The following SLC16A10 variants were observed in gnomAD, a reference collection of about 807,000 sequenced individuals.
The protein encoded by SLC16A10 is solute carrier family 16 member 10.
Under a neutral mutation model 40.0 loss-of-function variants are expected in SLC16A10, and 27 were observed. The ratio of observed to expected loss-of-function variants is 0.67; its 90% confidence interval spans 0.50 to 0.93. The LOEUF (loss-of-function observed/expected upper bound fraction) is 0.93. SLC16A10 is among the 40% of genes least tolerant of loss of function. The probability of loss-of-function intolerance (pLI) is 0.00; values close to 1 mark genes in which losing one functional copy is unlikely to be tolerated. For missense variants in SLC16A10, 529 were observed against 658.2 expected, an observed-to-expected ratio of 0.80 and a Z score of 2.15; for synonymous variants, 213 against 249.8, an observed-to-expected ratio of 0.85 and a Z score of 1.39.
At chr6:111,116,094 C>T (rs778190396) in intron 1 of SLC16A10, among the ~76,000 whole-genome samples, 4 of 152,128 alleles carry the variant, frequency 2.6e-5, no homozygotes, top group Non-Finnish European at 5.9e-5. Context: ...AATATAGTCA[C>T]ATCACTTGAT....
chr6:111,190,638 C>A (rs974186189), intron 3 of SLC16A10, among the ~76,000 whole-genome samples: 3 of 152,258 alleles, frequency 2.0e-5, no homozygotes, highest in African/African-American at 7.2e-5. Flanking sequence ...GATTTCTGTG[C>A]ACCCGCAGAC....
intron 1 of SLC16A10, among the ~76,000 whole-genome samples, chr6:111,152,903 A>G (rs978217556): frequency 2.6e-5 from 4 of 152,230 alleles, no homozygotes; most frequent in African/African-American, 9.6e-5. Context: ...ATGCATGTGT[A>G]AGGCATGGTG....
chr6:111,089,908 G>GTTTTTTTTTTTTTTTT (rs541758500), intron 1 of SLC16A10, among the ~76,000 whole-genome samples: 1 of 52,334 alleles, frequency 1.9e-5, no homozygotes, highest in Non-Finnish European at 3.8e-5. Context: ...CTGTGGGTGG[G>GTTTTTTTTTTTTTTTT]TTTTTTTTTT....
At chr6:111,103,165 C>T (rs1040711328) in intron 1 of SLC16A10, among the ~76,000 whole-genome samples, 2 of 152,088 alleles carry the variant, frequency 1.3e-5, no homozygotes, top group African/African-American at 2.4e-5. Context: ...CTCAGCCTCC[C>T]GAAGTGCTGA....
intron 1 of SLC16A10, among the ~76,000 whole-genome samples, chr6:111,142,926 C>T (rs999697062): frequency 2.0e-5 from 3 of 152,250 alleles, no homozygotes; most frequent in African/African-American, 7.2e-5. Context: ...TAGTTGCTTA[C>T]AGCAGCTTTA....
Position 111,228,746 on chromosome 6 carries a change from T to TG in SLC16A10, c.*6514dup, listed in dbSNP as rs1293177896. The TG allele has an allele frequency of 6.6e-6, 1 of 152,134 alleles. No homozygotes were observed. The highest frequency in any genetic ancestry group is 1.5e-5 in the Non-Finnish European group (1 of 68,044). The allele number at this position is 152,134 out of a possible 1,614,324, so 9.4% of individuals were successfully genotyped here. On this transcript the variant is annotated 3_prime_UTR_variant, in exon 6 of 6. Transcript: ENST00000368851. ...ATGGAGGGTTTGTTATTAATAGTGC[T>TG]GGGCCGGGCACGGTGACTCATGCCT...
intron 1 of SLC16A10, among the ~76,000 whole-genome samples, chr6:111,164,022 C>T (rs1218988755): frequency 6.6e-6 from 1 of 152,146 alleles, no homozygotes; most frequent in East Asian, 1.9e-4. Context: ...CTTAAGAAAA[C>T]CTTGTTCTTT....
At chr6:111,150,208 C>T (rs1469377496) in intron 1 of SLC16A10, among the ~76,000 whole-genome samples, 2 of 152,148 alleles carry the variant, frequency 1.3e-5, no homozygotes, top group Non-Finnish European at 2.9e-5. Context: ...AGTGTTTGAC[C>T]CCCTTTCCTT....
intron 1 of SLC16A10, among the ~76,000 whole-genome samples, chr6:111,133,533 G>C (rs1771823168): frequency 6.6e-6 from 1 of 152,144 alleles, no homozygotes; most frequent in African/African-American, 2.4e-5. Flanking sequence ...GGCCTCCTGA[G>C]GGAAGTATAA....
intron 1 of SLC16A10, among the ~76,000 whole-genome samples, chr6:111,166,718 G>A (rs193015989): frequency 8.3e-4 from 126 of 152,256 alleles, no homozygotes; most frequent in African/African-American, 2.9e-3. Flanking sequence ...TGCTTTATTT[G>A]GCATGCAGGA....
chr6:111,138,167 T>G (rs1771916139), intron 1 of SLC16A10, among the ~76,000 whole-genome samples: 2 of 152,224 alleles, frequency 1.3e-5, no homozygotes, highest in Non-Finnish European at 2.9e-5. Flanking sequence ...AATACTTTTT[T>G]TCTAATTATA....
intron 1 of SLC16A10, among the ~76,000 whole-genome samples, chr6:111,151,405 C>A (rs147706218): frequency 1.5e-3 from 230 of 152,292 alleles, no homozygotes; most frequent in Non-Finnish European, 2.6e-3. Context: ...CCACTCCCTT[C>A]ATCTTTTTTA....
intron 1 of SLC16A10, among the ~76,000 whole-genome samples, chr6:111,097,350 C>T (rs184680842): frequency 1.3e-5 from 2 of 151,766 alleles, no homozygotes; most frequent in Admixed American, 6.6e-5. Context: ...CTTGCTCTGT[C>T]GCCCAGGCTG....
chr6:111,134,080 C>G (rs1771833144), intron 1 of SLC16A10, among the ~76,000 whole-genome samples: 1 of 152,174 alleles, frequency 6.6e-6, no homozygotes, highest in African/African-American at 2.4e-5. Flanking sequence ...TTGGCAATCT[C>G]TGGTATCTCA....
intron 1 of SLC16A10, among the ~76,000 whole-genome samples, chr6:111,145,412 A>G (rs989916914): frequency 6.6e-6 from 1 of 152,274 alleles, no homozygotes; most frequent in Non-Finnish European, 1.5e-5. Context: ...AAATAAATAG[A>G]TAGATAATAT....
chr6:111,104,982 G>C (rs1583304991), intron 1 of SLC16A10, among the ~76,000 whole-genome samples: 1 of 151,322 alleles, frequency 6.6e-6, no homozygotes, highest in East Asian at 1.9e-4. Flanking sequence ...TCTTCCCAAG[G>C]GTCAAAATTA....
intron 3 of SLC16A10, among the ~76,000 whole-genome samples, chr6:111,183,785 A>G (rs1772846533): frequency 6.6e-6 from 1 of 152,218 alleles, no homozygotes; most frequent in African/African-American, 2.4e-5. Flanking sequence ...TAAGATAAAT[A>G]GAAGAAATTT....
intron 1 of SLC16A10, among the ~76,000 whole-genome samples, chr6:111,115,788 A>G (rs1771475652): frequency 6.6e-6 from 1 of 152,060 alleles, no homozygotes; most frequent in Non-Finnish European, 1.5e-5. Flanking sequence ...GAAGCTAACA[A>G]ACTTTTTTTT....
chr6:111,191,377 C>T (rs997606863), intron 3 of SLC16A10, among the ~76,000 whole-genome samples: 7 of 152,128 alleles, frequency 4.6e-5, no homozygotes, highest in Admixed American at 3.3e-4. Context: ...GCATAGTATT[C>T]CATGGTGTAT....
Sources: gnomAD v4.1 joint callset for allele counts (sites outside exome capture counted in the v4.1 genomes callset) on GRCh38, gnomAD v4.1.1 for gene constraint, MANE v1.5 for transcripts, NCBI Gene and HGNC (gene_info 2026-07-23, HGNC 2026-07-21) for gene names.